The following ZNRF2 variants were observed in gnomAD, a reference collection of about 807,000 sequenced individuals.
The protein encoded by ZNRF2 is E3 ubiquitin-protein ligase ZNRF2.
In ZNRF2, 16 loss-of-function variants were observed where a neutral mutation model predicts 20.4. That is an observed-to-expected ratio of 0.79 (90% confidence interval 0.53 to 1.19). The LOEUF is 1.19. Ranked by LOEUF, ZNRF2 falls within the 50% of genes most tolerant of loss-of-function variation. The pLI is 0.00. For missense variants in ZNRF2, 363 were observed against 332.4 expected (o/e 1.09, Z -0.72); for synonymous variants, 178 against 144.9 (o/e 1.23, Z -1.64).
In ZNRF2 at chr7:30,285,800, C is replaced by T. The variant is rs541343305; in HGVS notation, c.443C>T (p.Ala148Val). The T allele has an allele frequency of 9.2e-5, 141 of 1,528,506 alleles. No individual in the cohort carries two copies. The African/African-American group carries it at 1.5e-3, about 16-fold the overall frequency. 94.7% of individuals were successfully genotyped at this position (1,528,506 alleles called of 1,614,324 possible). Residue 148 changes from alanine (A) to valine (V), a missense_variant, in exon 1 of 5, where the codon GCT becomes GTT. Transcript: ENST00000323037. ...GPRLVIGSLP[A>V]HLSPHMFGGF... ...CGCCTGGTGATCGGCTCCTTACCAG[C>T]TCACCTCTCGCCGCACATGTTTGGA...
intron 1 of ZNRF2, among the ~76,000 whole-genome samples, chr7:30,316,729 A>C (rs912251778): frequency 6.6e-6 from 1 of 152,210 alleles, no homozygotes; most frequent in African/African-American, 2.4e-5. Flanking sequence ...CCTTTATAGC[A>C]GAAAGTTTAC....
intron 1 of ZNRF2, among the ~76,000 whole-genome samples, chr7:30,319,664 G>C (rs1799436343): frequency 6.6e-6 from 1 of 152,202 alleles, no homozygotes; most frequent in Admixed American, 6.5e-5. Flanking sequence ...TTGGGGTAGA[G>C]CACTTAGAGA....
At chr7:30,327,809 C>T (rs1188001170) in intron 2 of ZNRF2, among the ~76,000 whole-genome samples, 1 of 152,060 alleles carries the variant, frequency 6.6e-6, no homozygotes, top group Non-Finnish European at 1.5e-5. Flanking sequence ...ACAAGTGATC[C>T]TCCTACCTCA....
chr7:30,344,161 A>T (rs1799841248), intron 2 of ZNRF2, among the ~76,000 whole-genome samples: 1 of 151,202 alleles, frequency 6.6e-6, no homozygotes, highest in African/African-American at 2.4e-5. Flanking sequence ...ACCTCAGGTG[A>T]TCTGCCTGCC....
intron 3 of ZNRF2, among the ~76,000 whole-genome samples, chr7:30,356,045 A>G (rs1051790415): frequency 5.9e-5 from 9 of 152,216 alleles, no homozygotes; most frequent in Non-Finnish European, 2.9e-5. Flanking sequence ...AGCATTTGCT[A>G]TGACCCAGCT....
intron 1 of ZNRF2, among the ~76,000 whole-genome samples, chr7:30,319,516 C>T (rs374892058): frequency 6.6e-6 from 1 of 152,060 alleles, no homozygotes; most frequent in South Asian, 2.1e-4. Flanking sequence ...TCTATTGGGC[C>T]TCACATTTCT....
intron 1 of ZNRF2, among the ~76,000 whole-genome samples, chr7:30,307,332 T>TG (rs1204679221): frequency 7.8e-6 from 1 of 127,552 alleles, no homozygotes; most frequent in African/African-American, 3.5e-5. Context: ...TTTTGTTTTT[T>TG]TTTTTTTTTT....
At chr7:30,327,207 T>C (rs1799566294) in intron 2 of ZNRF2, among the ~76,000 whole-genome samples, 1 of 152,186 alleles carries the variant, frequency 6.6e-6, no homozygotes. Flanking sequence ...AATCTTTGCC[T>C]GTTCTTATGT....
intron 2 of ZNRF2, among the ~76,000 whole-genome samples, chr7:30,325,538 C>T (rs1583582538): frequency 1.3e-5 from 2 of 152,162 alleles, no homozygotes; most frequent in Admixed American, 1.3e-4. Context: ...GCTTTCTCCT[C>T]AGGTAACAAA....
intron 1 of ZNRF2, among the ~76,000 whole-genome samples, chr7:30,303,392 A>G (rs898710062): frequency 1.3e-5 from 2 of 152,210 alleles, no homozygotes; most frequent in African/African-American, 2.4e-5. Context: ...TTATGGCTCA[A>G]ACAAACTTTT....
chr7:30,302,980 C>G (rs542826743), intron 1 of ZNRF2, among the ~76,000 whole-genome samples: 2 of 152,086 alleles, frequency 1.3e-5, no homozygotes, highest in African/African-American at 2.4e-5. Context: ...TATTAAAGTT[C>G]TGTAATAAAG....
chr7:30,329,975 CCTGT>C (rs548101670), intron 2 of ZNRF2, among the ~76,000 whole-genome samples: 47 of 152,232 alleles, frequency 3.1e-4, no homozygotes, highest in African/African-American at 1.0e-3. Flanking sequence ...TCTGTTATTG[CCTGT>C]CTTTTTGATA....
intron 2 of ZNRF2, among the ~76,000 whole-genome samples, chr7:30,348,984 T>C (rs893671621): frequency 6.6e-6 from 1 of 152,196 alleles, no homozygotes; most frequent in Non-Finnish European, 1.5e-5. Context: ...CAAAATGATA[T>C]CGAATCCAGA....
intron 2 of ZNRF2, among the ~76,000 whole-genome samples, chr7:30,323,977 A>G (rs774068649): frequency 2.6e-5 from 4 of 152,218 alleles, no homozygotes; most frequent in Non-Finnish European, 5.9e-5. Flanking sequence ...TTTGTCATAA[A>G]TTAAAACAGA....
At chr7:30,295,046 AGAGAGTGTGT>A (rs1323086573) in intron 1 of ZNRF2, among the ~76,000 whole-genome samples, 156 of 98,472 alleles carry the variant, frequency 1.6e-3, no homozygotes, top group African/African-American at 5.8e-3. Context: ...AGAGAGAGAG[AGAGAGTGTGT>A]GTGTGTGTGT....
chr7:30,351,915 G>A (rs944157582), intron 2 of ZNRF2, among the ~76,000 whole-genome samples: 2 of 151,900 alleles, frequency 1.3e-5, no homozygotes, highest in African/African-American at 4.8e-5. Context: ...TATAATAGGC[G>A]CCTAAGTTCC....
chr7:30,358,180 A>G (rs1800070180), intron 3 of ZNRF2, among the ~76,000 whole-genome samples: 1 of 152,212 alleles, frequency 6.6e-6, no homozygotes. Flanking sequence ...AACAATAAAT[A>G]TTGGATAAAT....
chr7:30,351,387 T>C (rs1799959250), intron 2 of ZNRF2, among the ~76,000 whole-genome samples: 1 of 152,014 alleles, frequency 6.6e-6, no homozygotes, highest in Admixed American at 6.6e-5. Flanking sequence ...TAAAAGATGT[T>C]TTTTCATCAC....
chr7:30,311,624 G>A (rs1799293837), intron 1 of ZNRF2, among the ~76,000 whole-genome samples: 1 of 152,130 alleles, frequency 6.6e-6, no homozygotes, highest in African/African-American at 2.4e-5. Context: ...TAGGAAACTT[G>A]GCTTAAATAC....
Sources: gnomAD v4.1 joint callset for allele counts (sites outside exome capture counted in the v4.1 genomes callset) on GRCh38, gnomAD v4.1.1 for gene constraint, MANE v1.5 for transcripts, NCBI Gene and HGNC (gene_info 2026-07-23, HGNC 2026-07-21) for gene names.